CCDC85C: variants seen among roughly 807,000 people sequenced by gnomAD.
CCDC85C encodes coiled-coil domain-containing protein 85C.
A neutral mutation model predicts 38.3 loss-of-function variants in CCDC85C; 18 were observed. That is an observed-to-expected ratio of 0.47 (90% CI 0.33 to 0.70). CCDC85C has a LOEUF of 0.70. Among genes scored for constraint, CCDC85C ranks in the 30% least tolerant of loss-of-function variants. The pLI is 0.03. For missense variants in CCDC85C, 566 were observed against 621.2 expected (o/e 0.91, Z 0.94); for synonymous variants, 264 against 293.8 (o/e 0.90, Z 1.04).
intron 4 of CCDC85C, 86 bp downstream of exon 4, chr14:99,517,002 T>C: frequency 7.8e-7 from 1 of 1,281,044 alleles, no homozygotes; most frequent in Non-Finnish European, 1.1e-6. Context: ...CCCTGCCACT[T>C]GGATACCCCT....
At position 99,502,289 on chromosome 14, in the gene CCDC85C, T is replaced by C. The variant is rs1896851440; in HGVS notation, c.*12957A>G. 1 of 1,612,246 alleles carries C rather than the reference T, an allele frequency of 6.2e-7. No individual in the cohort carries two copies. Reference sequence around the variant, plus strand: ...GTATCTCGCAGGACGTTTGTGCAAATTTGAAATACAAGAATGGACCTCCAA... The same window carrying C: ...GTATCTCGCAGGACGTTTGTGCAAACTTGAAATACAAGAATGGACCTCCAA... On this transcript the variant is annotated 3_prime_UTR_variant, in exon 6 of 6. Coordinates refer to ENST00000380243, the MANE Select transcript of CCDC85C (RefSeq NM_001144995.2).
intron 1 of CCDC85C, among the ~76,000 whole-genome samples, chr14:99,568,558 C>A (rs940964481): frequency 1.3e-5 from 2 of 152,142 alleles, no homozygotes; most frequent in Non-Finnish European, 2.9e-5. Context: ...TGCATGACGA[C>A]CTGAGGACCC....
At chr14:99,515,454 G>C in intron 5 of CCDC85C, 119 bp from the exon 6 acceptor site, 1 of 685,474 alleles carries the variant, frequency 1.5e-6, no homozygotes, top group Non-Finnish European at 2.5e-6. Flanking sequence ...GGGGCCAGGA[G>C]GGACACGGAG....
At chr14:99,534,984 C>T (rs1344469784) in intron 2 of CCDC85C, 1 of 457,618 alleles carries the variant, frequency 2.2e-6, no homozygotes, top group East Asian at 4.0e-5. Flanking sequence ...GCTAATCCCA[C>T]CAGGCCCTGG....
chr14:99,567,590 C>G (rs982391150), intron 1 of CCDC85C, among the ~76,000 whole-genome samples: 1 of 152,108 alleles, frequency 6.6e-6, no homozygotes, highest in African/African-American at 2.4e-5. Context: ...TTTGGGAGGC[C>G]GAAGTGGGCA....
chr14:99,563,544 C>A (rs891826592), intron 1 of CCDC85C, among the ~76,000 whole-genome samples: 1 of 152,266 alleles, frequency 6.6e-6, no homozygotes, highest in African/African-American at 2.4e-5. Flanking sequence ...AAAGGGGGAG[C>A]CGGCAGAAGC....
intron 1 of CCDC85C, among the ~76,000 whole-genome samples, chr14:99,600,209 C>A (rs1169422988): frequency 6.6e-6 from 1 of 152,246 alleles, no homozygotes; most frequent in African/African-American, 2.4e-5. Flanking sequence ...GCCCCAAGGA[C>A]CCTAACAACA....
intron 1 of CCDC85C, among the ~76,000 whole-genome samples, chr14:99,602,966 A>C (rs2055218850): frequency 6.6e-6 from 1 of 152,038 alleles, no homozygotes; most frequent in South Asian, 2.1e-4. Flanking sequence ...AAGACGCTCC[A>C]CCACTGAACC....
chr14:99,541,834 T>C (rs1897718881), intron 1 of CCDC85C, among the ~76,000 whole-genome samples: 1 of 152,160 alleles, frequency 6.6e-6, no homozygotes, highest in African/African-American at 2.4e-5. Flanking sequence ...AGGTGGAGGC[T>C]GGGGGCGAGG....
intron 1 of CCDC85C, among the ~76,000 whole-genome samples, chr14:99,598,699 A>G (rs1304229241): frequency 3.3e-5 from 5 of 152,170 alleles, no homozygotes; most frequent in Non-Finnish European, 7.3e-5. Flanking sequence ...CAGGAGACCC[A>G]AGACGCATCC....
At chr14:99,539,676 T>C (rs7147933) in intron 1 of CCDC85C, among the ~76,000 whole-genome samples, 7,400 of 152,160 alleles carry the variant, frequency 0.049, 496 homozygotes, top group African/African-American at 0.15. Context: ...ACATGCACAA[T>C]GGCTGCGACG....
chr14:99,552,640 G>A (rs12888032), intron 1 of CCDC85C, among the ~76,000 whole-genome samples: 80,743 of 151,990 alleles, frequency 0.53, 21,644 homozygotes, highest in African/African-American at 0.58. Flanking sequence ...TCTGAGGTGT[G>A]GGAGGGGTTG....
chr14:99,550,963 A>G (rs1897895707), intron 1 of CCDC85C, among the ~76,000 whole-genome samples: 1 of 152,240 alleles, frequency 6.6e-6, no homozygotes, highest in Non-Finnish European at 1.5e-5. Flanking sequence ...AGCAAAGGCT[A>G]CCACATCACT....
chr14:99,519,808 C>A (rs1042823339), intron 3 of CCDC85C, among the ~76,000 whole-genome samples: 7 of 152,188 alleles, frequency 4.6e-5, no homozygotes, highest in African/African-American at 1.7e-4. Context: ...CAAAAGGCCA[C>A]ACGTCATGTG....
intron 1 of CCDC85C, among the ~76,000 whole-genome samples, chr14:99,547,033 T>C (rs1230437133): frequency 1.4e-4 from 21 of 151,968 alleles, no homozygotes; most frequent in Admixed American, 1.4e-3. Context: ...TACACTTTTT[T>C]TCCTGAGGTC....
chr14:99,597,158 C>G (rs2055151845), intron 1 of CCDC85C, among the ~76,000 whole-genome samples: 1 of 152,162 alleles, frequency 6.6e-6, no homozygotes, highest in East Asian at 1.9e-4. Flanking sequence ...CCACAGTGGT[C>G]ACCAGAGTGA....
At position 99,503,376 on chromosome 14, in the gene CCDC85C, CATT is replaced by C. The variant is rs1479708199; in HGVS notation, c.*11867_*11869del. 6.6e-6 allele frequency: 4 copies of C among 601,994 alleles called. No homozygotes were observed. In the African/African-American group the frequency reaches 7.4e-5, roughly 11 times the overall value. The allele number at this position is 601,994 out of a possible 1,614,324, so 37.3% of individuals were successfully genotyped here. ...AACTTAGTGTTTACTCAGAACTCAC[CATT>C]CAGGAAAGCTAGTCATTCTGTCTTA... On this transcript the variant is annotated 3_prime_UTR_variant, in exon 6 of 6. Transcript: ENST00000380243.
intron 1 of CCDC85C, among the ~76,000 whole-genome samples, chr14:99,564,094 G>T (rs541692303): frequency 6.6e-6 from 1 of 152,356 alleles, no homozygotes; most frequent in Non-Finnish European, 1.5e-5. Flanking sequence ...CAATTGTCTA[G>T]AAATGACCAG....
At chr14:99,522,525 A>C (rs927471086) in intron 2 of CCDC85C, 1 of 196,592 alleles carries the variant, frequency 5.1e-6, no homozygotes, top group African/African-American at 4.2e-5. Context: ...AGAGCCAGTG[A>C]GAGCGAGTGA....
Sources: allele counts gnomAD v4.1 joint callset (sites outside exome capture counted in the v4.1 genomes callset), GRCh38; gene constraint gnomAD v4.1.1; transcripts MANE v1.5; gene names NCBI Gene and HGNC (gene_info 2026-07-23, HGNC 2026-07-21).